The following RNF150 variants were observed in gnomAD, a reference collection of about 807,000 sequenced individuals.
The protein encoded by RNF150 is ring finger protein 150.
RNF150 carries 24 observed loss-of-function variants against 39.3 expected under a neutral mutation model. The observed-to-expected ratio is 0.61, with a 90% CI of 0.44 to 0.86. The LOEUF is 0.86. Ranked by LOEUF, RNF150 falls within the 40% of genes least tolerant of loss-of-function variation. RNF150 has a pLI of 0.00. For synonymous variants in RNF150, 255 were observed against 227.3 expected (o/e 1.12, Z -1.10); for missense variants, 502 against 587.8 (o/e 0.85, Z 1.51).
chr4:141,078,533 C>T (rs193198450), intron 1 of RNF150, among the ~76,000 whole-genome samples: 338 of 151,422 alleles, frequency 2.2e-3, no homozygotes, highest in African/African-American at 7.8e-3. Context: ...CCTGTAATCC[C>T]AGCACTTTGG....
intron 1 of RNF150, among the ~76,000 whole-genome samples, chr4:141,107,410 G>A (rs1195661693): frequency 6.6e-6 from 1 of 152,186 alleles, no homozygotes; most frequent in African/African-American, 2.4e-5. Context: ...CAGAAGCAGA[G>A]AGGCTGGGTG....
At position 141,166,724 on chromosome 4, in the gene RNF150, C is replaced by T. The variant is rs184613730; in HGVS notation, c.-6+46070G>A. On this transcript the variant is annotated intron_variant, in intron 1 of 7. Transcript: ENST00000420921. ...ATTATCTCAATAGATACAGAAAAGA[C>T]CTTCGATAAAATTCAACACCTTTTC... 1.3e-4 allele frequency among the ~76,000 whole-genome samples: 20 copies of T among 152,180 alleles called. No individual in the cohort carries two copies. In the East Asian group the frequency reaches 3.7e-3, roughly 28 times the overall value.
chr4:141,059,614 CAATT>C (rs1371965644), intron 1 of RNF150, among the ~76,000 whole-genome samples: 3 of 151,846 alleles, frequency 2.0e-5, no homozygotes, highest in East Asian at 3.9e-4. Context: ...TGAGTATCAT[CAATT>C]AATCATTAAG....
At chr4:141,205,327 A>G (rs1728356900) in intron 1 of RNF150, among the ~76,000 whole-genome samples, 1 of 152,198 alleles carries the variant, frequency 6.6e-6, no homozygotes. Context: ...CTAAGATGAT[A>G]AAACAGAAGA....
intron 4 of RNF150, among the ~76,000 whole-genome samples, chr4:140,926,281 T>TATA (rs1731396863): frequency 6.6e-6 from 1 of 152,186 alleles, no homozygotes; most frequent in Non-Finnish European, 1.5e-5. Flanking sequence ...GACTGTCCTA[T>TATA]ATAATTTGCA....
chr4:141,068,242 G>C (rs1436492904), intron 1 of RNF150, among the ~76,000 whole-genome samples: 2 of 152,220 alleles, frequency 1.3e-5, no homozygotes, highest in Non-Finnish European at 2.9e-5. Context: ...ACCATGTCCA[G>C]CCAAGATACA....
At position 140,967,651 on chromosome 4, in the gene RNF150, C is replaced by T. The variant is rs752043799; in HGVS notation, c.707G>A (p.Arg236Gln). Reference protein sequence around the residue: ...WLVFYYIQRFRYANARDRNQR... With the variant: ...WLVFYYIQRFQYANARDRNQR... ...GTTCCTATCCCTGGCATTTGCATAT[C>T]GAAACCTCTGGATGTAATAAAAGAC... Residue 236 changes from arginine (R) to glutamine (Q), a missense_variant, in exon 2 of 7, where the codon CGA becomes CAA. Coordinates refer to ENST00000515673, the MANE Select transcript of RNF150 (RefSeq NM_020724.2). The T allele has an allele frequency of 9.3e-6, 15 of 1,610,708 alleles. No homozygotes were observed. Among genetic ancestry groups the T allele is most frequent in the Admixed American group, 3.3e-5 (2 of 59,840 alleles).
At chr4:141,093,239 G>A (rs1390719762) in intron 1 of RNF150, among the ~76,000 whole-genome samples, 4 of 152,104 alleles carry the variant, frequency 2.6e-5, no homozygotes, top group East Asian at 1.9e-4. Flanking sequence ...GGTGGCAGGC[G>A]CCTGTAGTCC....
chr4:141,121,619 G>A (rs1726602632), intron 1 of RNF150, among the ~76,000 whole-genome samples: 10 of 152,154 alleles, frequency 6.6e-5, no homozygotes, highest in Admixed American at 6.5e-4. Flanking sequence ...AAGTTTGTGT[G>A]CTTTCCTGCA....
intron 1 of RNF150, among the ~76,000 whole-genome samples, chr4:141,172,368 C>G (rs1727744418): frequency 6.6e-6 from 1 of 152,164 alleles, no homozygotes; most frequent in African/African-American, 2.4e-5. Flanking sequence ...AACCCAAAGT[C>G]AAAAGGCAGG....
At chr4:141,097,661 TTTAAC>T (rs1361827701) in intron 1 of RNF150, among the ~76,000 whole-genome samples, 25 of 152,274 alleles carry the variant, frequency 1.6e-4, no homozygotes, top group Non-Finnish European at 2.8e-4. Context: ...GATAAAATGT[TTTAAC>T]TTATGTCTTT....
At chr4:140,982,248 C>A (rs6820265) in intron 1 of RNF150, among the ~76,000 whole-genome samples, 1 of 151,978 alleles carries the variant, frequency 6.6e-6, no homozygotes, top group African/African-American at 2.4e-5. Context: ...ACATATGAAA[C>A]CCTTCAAAGT....
At chr4:141,032,303 T>C (rs986239051) in intron 1 of RNF150, among the ~76,000 whole-genome samples, 2 of 152,074 alleles carry the variant, frequency 1.3e-5, no homozygotes, top group African/African-American at 2.4e-5. Context: ...AATGGGATTA[T>C]GTTGGTCAAA....
chr4:141,125,247 G>A (rs1373680366), intron 1 of RNF150, among the ~76,000 whole-genome samples: 2 of 139,602 alleles, frequency 1.4e-5, no homozygotes, highest in African/African-American at 5.3e-5. Flanking sequence ...CAAGAGTAAA[G>A]GTCATATTAT....
chr4:140,955,087 G>C (rs1732699339), intron 2 of RNF150, among the ~76,000 whole-genome samples: 1 of 152,048 alleles, frequency 6.6e-6, no homozygotes, highest in South Asian at 2.1e-4. Context: ...AACCTCACAT[G>C]GTCAAGAGTG....
intron 1 of RNF150, among the ~76,000 whole-genome samples, chr4:140,970,417 T>C (rs1733418464): frequency 6.6e-6 from 1 of 152,070 alleles, no homozygotes; most frequent in South Asian, 2.1e-4. Flanking sequence ...TTTAGTTGTA[T>C]AGCTTTTAAC....
At position 141,178,244 on chromosome 4, in the gene RNF150, A is replaced by ATG. The variant is rs112444817; in HGVS notation, c.-6+34548_-6+34549dup. Among the ~76,000 whole-genome samples, 368 of 149,074 alleles carry ATG rather than the reference A, an allele frequency of 2.5e-3. 1 individual carries two copies. Among genetic ancestry groups the ATG allele is most frequent in the African/African-American group, 6.8e-3 (277 of 40,888 alleles). On this transcript the variant is annotated intron_variant, in intron 1 of 7. Coordinates refer to the RNF150 transcript ENST00000420921. ...GCACCCTCAGAGTATGTGTGTGTGT[A>ATG]TGTGTGTGTGTGTGTGTGCGTGCGC...
intron 6 of RNF150, among the ~76,000 whole-genome samples, chr4:140,869,975 TA>T (rs2111180507): frequency 6.6e-6 from 1 of 152,306 alleles, no homozygotes; most frequent in South Asian, 2.1e-4. Context: ...AATGTATAAG[TA>T]CTAAAGAATA....
intron 1 of RNF150, among the ~76,000 whole-genome samples, chr4:141,043,275 G>T (rs374616008): frequency 3.3e-5 from 5 of 152,120 alleles, no homozygotes; most frequent in African/African-American, 9.6e-5. Context: ...GTGAAGGAGA[G>T]GGGTGGGCCA....
Sources: allele counts gnomAD v4.1 joint callset (sites outside exome capture counted in the v4.1 genomes callset), GRCh38; gene constraint gnomAD v4.1.1; transcripts MANE v1.5; gene names NCBI Gene and HGNC (gene_info 2026-07-23, HGNC 2026-07-21).